Variants in FGF13 observed in about 807,000 individuals in gnomAD.
FGF13 encodes fibroblast growth factor 13.
FGF13 carries 2 observed loss-of-function variants against 19.5 expected under a neutral mutation model. That is an observed-to-expected ratio of 0.10 (90% CI 0.04 to 0.32). The LOEUF (loss-of-function observed/expected upper bound fraction) is 0.32. Among genes scored for constraint, FGF13 ranks in the 10% least tolerant of loss-of-function variants. The pLI is 1.00. For missense variants in FGF13, 113 were observed against 192.7 expected (o/e 0.59, Z 2.45); for synonymous variants, 72 against 76.9 (o/e 0.94, Z 0.33).
intron 3 of FGF13, among the ~76,000 whole-genome samples, chrX:138,823,606 AC>A (rs1220144312): frequency 8.9e-6 from 1 of 111,995 alleles, no homozygotes; most frequent in East Asian, 2.8e-4. Context: ...TCAAGCTTCT[AC>A]TTTTAGAAGC....
At chrX:138,764,683 T>G (rs753830128) in intron 3 of FGF13, among the ~76,000 whole-genome samples, 1 of 112,634 alleles carries the variant, frequency 8.9e-6, no homozygotes, top group Admixed American at 9.4e-5. Flanking sequence ...ACCAGAAAGT[T>G]GAGTAGTTGG....
At chrX:138,708,567 T>G (rs959131655) in intron 2 of FGF13, among the ~76,000 whole-genome samples, 3 of 112,202 alleles carry the variant, frequency 2.7e-5, no homozygotes, top group African/African-American at 9.7e-5. Context: ...GCCATAAATC[T>G]ATCTAGATTT....
chrX:139,189,607 C>T (rs905222192), intron 1 of FGF13, among the ~76,000 whole-genome samples: 2 of 111,763 alleles, frequency 1.8e-5, no homozygotes, highest in African/African-American at 6.5e-5. Flanking sequence ...TATAGTTCCA[C>T]TTATACAAGG....
chrX:138,958,321 A>G (rs1193140835), intron 1 of FGF13, among the ~76,000 whole-genome samples: 4 of 111,645 alleles, frequency 3.6e-5, no homozygotes, highest in Non-Finnish European at 7.5e-5. Flanking sequence ...TATATGATGG[A>G]CTACGTTTAT....
chrX:138,914,489 G>T (rs778347036), intron 1 of FGF13, among the ~76,000 whole-genome samples: 1 of 110,696 alleles, frequency 9.0e-6, no homozygotes, highest in Non-Finnish European at 1.9e-5. Context: ...GCAGGGTTGG[G>T]GTATTCATGG....
chrX:138,831,194 A>T (rs745972947), intron 3 of FGF13, among the ~76,000 whole-genome samples: 1 of 111,776 alleles, frequency 8.9e-6, no homozygotes, highest in African/African-American at 3.3e-5. Flanking sequence ...TCCTCCACTT[A>T]TATTTCAAAG....
intron 3 of FGF13, among the ~76,000 whole-genome samples, chrX:138,747,259 C>T (rs1184940565): frequency 9.0e-6 from 1 of 111,709 alleles, no homozygotes; most frequent in Non-Finnish European, 1.9e-5. Context: ...AGGGAGAGAG[C>T]AGGGTAGGCC....
chrX:138,932,662 C>A (rs996391011), intron 1 of FGF13, among the ~76,000 whole-genome samples: 1 of 108,861 alleles, frequency 9.2e-6, no homozygotes, highest in African/African-American at 3.4e-5. Flanking sequence ...GAAAGATAAC[C>A]CCAACTGAAA....
At chrX:138,847,414 T>TG (rs2091190400) in intron 3 of FGF13, among the ~76,000 whole-genome samples, 1 of 111,599 alleles carries the variant, frequency 9.0e-6, no homozygotes, top group Non-Finnish European at 1.9e-5. Context: ...ATTGTACACT[T>TG]GCTGCTTCCA....
intron 1 of FGF13, 61 bp from the exon 2 acceptor site, chrX:138,708,989 TAGGAA>T: frequency 1.7e-6 from 1 of 597,939 alleles, no homozygotes; most frequent in Non-Finnish European, 2.6e-6. Flanking sequence ...TTGAAAAGAC[TAGGAA>T]TTTCAATTTC....
At chrX:139,173,674 A>G (rs1434928676) in intron 1 of FGF13, among the ~76,000 whole-genome samples, 1 of 110,673 alleles carries the variant, frequency 9.0e-6, no homozygotes, top group South Asian at 3.8e-4. Flanking sequence ...GTTCCTGTGT[A>G]AGTTTGCTAA....
chrX:139,048,859 A>G (rs1277698751), intron 1 of FGF13, among the ~76,000 whole-genome samples: 8 of 111,358 alleles, frequency 7.2e-5, no homozygotes. Flanking sequence ...TATGCAAATA[A>G]TAATAATTTT....
chrX:138,659,397 T>A (rs985747593), intron 3 of FGF13, among the ~76,000 whole-genome samples: 4 of 111,701 alleles, frequency 3.6e-5, no homozygotes, highest in Non-Finnish European at 7.5e-5. Flanking sequence ...TCATTAAAAA[T>A]TCAGGAAACA....
chrX:139,075,837 T>C lies in FGF13; in HGVS notation c.-113+127579A>G, dbSNP rs867593951. Among the ~76,000 whole-genome samples, 2 of 11,675 alleles carry C rather than the reference T, an allele frequency of 1.7e-4. 1 individual carries two copies. Among genetic ancestry groups the C allele is most frequent in the Non-Finnish European group, 3.0e-4 (2 of 6,589 alleles). 10.1% of individuals were successfully genotyped at this position (11,675 alleles called of 115,157 possible). ...GTGTCTGTGTATGTGTATTTCTTTT[T>C]TTTTTTTTTTTTTTTTGAGACGGAG... is the stretch of plus-strand genomic sequence containing the variant. On this transcript the variant is annotated intron_variant, in intron 1 of 2. Coordinates refer to the FGF13 transcript ENST00000421460.
intron 1 of FGF13, among the ~76,000 whole-genome samples, chrX:139,033,027 CA>C (rs758766077): frequency 4.1e-3 from 113 of 27,265 alleles, no homozygotes; most frequent in Non-Finnish European, 5.2e-3. Flanking sequence ...TCTGATTATC[CA>C]AAAAAAAAAA....
At chrX:138,732,777 C>T (rs2090242198) in intron 1 of FGF13, among the ~76,000 whole-genome samples, 1 of 111,007 alleles carries the variant, frequency 9.0e-6, no homozygotes, top group South Asian at 3.8e-4. Flanking sequence ...AAGCAATACA[C>T]AACTGCTTGT....
At chrX:139,196,189 T>C (rs1225958671) in intron 1 of FGF13, among the ~76,000 whole-genome samples, 1 of 112,037 alleles carries the variant, frequency 8.9e-6, no homozygotes, top group East Asian at 2.8e-4. Flanking sequence ...AATAAACAAG[T>C]GGAGTTTTTA....
intron 1 of FGF13, among the ~76,000 whole-genome samples, chrX:138,984,570 AAGAAGAAGAAGAAGAAGAAGGAGGAGG>A (rs1569436137): frequency 2.5e-4 from 13 of 52,024 alleles, no homozygotes; most frequent in African/African-American, 9.4e-4. Flanking sequence ...GAAGAAGAAG[AAGAAGAAGAAGAAGAAGAAGGAGGAGG>A]AGGAGGAGGA....
chrX:138,700,696 C>T (rs1602717796), intron 3 of FGF13, among the ~76,000 whole-genome samples: 1 of 111,546 alleles, frequency 9.0e-6, no homozygotes, highest in African/African-American at 3.3e-5. Context: ...ATATTCTTTC[C>T]ATATATGAAC....
Sources: allele counts gnomAD v4.1 joint callset (sites outside exome capture counted in the v4.1 genomes callset), GRCh38; gene constraint gnomAD v4.1.1; transcripts MANE v1.5; gene names NCBI Gene and HGNC (gene_info 2026-07-23, HGNC 2026-07-21).